Variants in ZFYVE9 observed in about 807,000 individuals in gnomAD.
The protein encoded by ZFYVE9 is zinc finger FYVE domain-containing protein 9.
A neutral mutation model predicts 126.7 loss-of-function variants in ZFYVE9; 43 were observed. The ratio of observed to expected loss-of-function variants is 0.34; its 90% CI spans 0.27 to 0.44. The LOEUF is 0.44. ZFYVE9 is among the 20% of genes least tolerant of loss of function. ZFYVE9 has a pLI of 1.00. For missense variants in ZFYVE9, 1,476 were observed against 1,697.0 expected (o/e 0.87, Z 2.29); for synonymous variants, 521 against 597.4 (o/e 0.87, Z 1.87).
intron 14 of ZFYVE9, among the ~76,000 whole-genome samples, chr1:52,333,967 C>G (rs981394054): frequency 6.6e-6 from 1 of 152,064 alleles, no homozygotes; most frequent in Non-Finnish European, 1.5e-5. Context: ...CTGGCACATG[C>G]CTGTAGTCCC....
intron 1 of ZFYVE9, among the ~76,000 whole-genome samples, chr1:52,143,368 A>G (rs1394112975): frequency 6.6e-6 from 1 of 152,182 alleles, no homozygotes; most frequent in Non-Finnish European, 1.5e-5. Context: ...CGTAAGTCAG[A>G]TATTTATGTT....
At chr1:52,329,822 G>A (rs754656537) in intron 13 of ZFYVE9, among the ~76,000 whole-genome samples, 25 of 151,688 alleles carry the variant, frequency 1.6e-4, no homozygotes, top group Non-Finnish European at 3.1e-4. Flanking sequence ...GGAGAATGGC[G>A]TGAACCTGGG....
intron 4 of ZFYVE9, chr1:52,252,017 CAT>C (rs1645452504): frequency 6.3e-6 from 1 of 157,652 alleles, no homozygotes; most frequent in Non-Finnish European, 1.5e-5. Context: ...AATTGGTACT[CAT>C]ATACATAAAG....
At chr1:52,207,037 A>G (rs1644985068) in intron 1 of ZFYVE9, among the ~76,000 whole-genome samples, 1 of 152,238 alleles carries the variant, frequency 6.6e-6, no homozygotes, top group South Asian at 2.1e-4. Flanking sequence ...TTCCATTCAA[A>G]TGCTTATCTC....
chr1:52,148,834 A>G (rs1042637973), intron 1 of ZFYVE9, among the ~76,000 whole-genome samples: 14 of 145,998 alleles, frequency 9.6e-5, no homozygotes, highest in African/African-American at 3.3e-4. Context: ...TAGCGACGGG[A>G]TTTCACCATG....
intron 10 of ZFYVE9, among the ~76,000 whole-genome samples, chr1:52,285,602 T>C (rs1482878264): frequency 1.3e-5 from 2 of 152,178 alleles, no homozygotes; most frequent in Non-Finnish European, 2.9e-5. Flanking sequence ...CCTGATAATC[T>C]GTCACTGTCT....
intron 1 of ZFYVE9, chr1:52,180,696 C>T: frequency 2.8e-6 from 1 of 353,328 alleles, no homozygotes; most frequent in Non-Finnish European, 5.3e-6. Flanking sequence ...CATTGCTGGG[C>T]CGGGCGCGGT....
rs1378510970 is a variant in ZFYVE9, at chr1:52,232,929, T to A, written c.-36-242T>A. ...TTTCCCAGCATCTGAAATGTGTCTG[T>A]TGAAGCATGAAATGATCACCAAGTC... is the stretch of plus-strand genomic sequence containing the variant. On this transcript the variant is annotated intron_variant, in intron 2 of 18. Coordinates refer to ENST00000287727, the MANE Select transcript of ZFYVE9 (RefSeq NM_004799.4). Among the ~76,000 whole-genome samples the A allele has an allele frequency of 2.0e-5, 3 of 152,132 alleles. No homozygotes were observed. In the South Asian group the frequency reaches 6.2e-4, roughly 32 times the overall value.
At chr1:52,251,733 C>T (rs1220162277) in intron 4 of ZFYVE9, among the ~76,000 whole-genome samples, 2 of 152,154 alleles carry the variant, frequency 1.3e-5, no homozygotes, top group Non-Finnish European at 2.9e-5. Context: ...AGTATTTCCT[C>T]CTCTTCAATT....
intron 13 of ZFYVE9, among the ~76,000 whole-genome samples, chr1:52,321,789 C>T (rs1308286311): frequency 6.6e-6 from 1 of 152,180 alleles, no homozygotes; most frequent in African/African-American, 2.4e-5. Context: ...TAGGGCATCC[C>T]TCATTTATCG....
chr1:52,225,801 A>G (rs1050726915), intron 2 of ZFYVE9, among the ~76,000 whole-genome samples: 33 of 152,278 alleles, frequency 2.2e-4, no homozygotes, highest in African/African-American at 7.9e-4. Context: ...GGTTGAGGAC[A>G]CCCAAGAGGT....
chr1:52,160,543 C>T (rs916211016), intron 1 of ZFYVE9: 12 of 771,060 alleles, frequency 1.6e-5, no homozygotes, highest in Non-Finnish European at 2.4e-5. Flanking sequence ...CCTTGTGACA[C>T]GCCTCAAGTG....
At chr1:52,197,228 T>G (rs1289827399) in intron 1 of ZFYVE9, among the ~76,000 whole-genome samples, 1 of 152,168 alleles carries the variant, frequency 6.6e-6, no homozygotes, top group Non-Finnish European at 1.5e-5. Flanking sequence ...TAATGTTGAT[T>G]GTGAGCATTA....
chr1:52,151,520 C>CTT (rs1237189041), intron 1 of ZFYVE9, among the ~76,000 whole-genome samples: 2 of 142,230 alleles, frequency 1.4e-5, no homozygotes, highest in African/African-American at 2.6e-5. Flanking sequence ...TGTGTTTTTT[C>CTT]TTTTTTTTTT....
At chr1:52,278,720 TTTTTTTTTTTC>T (rs1347288030) in intron 9 of ZFYVE9, 106 bp downstream of exon 9, 1 of 528,446 alleles carries the variant, frequency 1.9e-6, no homozygotes, top group African/African-American at 2.1e-5. Context: ...GAGCCACATC[TTTTTTTTTTTC>T]TTTTTTTTTT....
intron 12 of ZFYVE9, among the ~76,000 whole-genome samples, chr1:52,300,956 C>T (rs1302433260): frequency 6.6e-6 from 1 of 151,280 alleles, no homozygotes; most frequent in African/African-American, 2.4e-5. Context: ...ACCTCCCGGG[C>T]TCAAGCAATG....
intron 17 of ZFYVE9, among the ~76,000 whole-genome samples, chr1:52,342,020 TCAAA>T (rs1212591377): frequency 2.6e-5 from 4 of 152,158 alleles, no homozygotes; most frequent in Non-Finnish European, 5.9e-5. Context: ...GAAGACAGGC[TCAAA>T]CAGGTCATGT....
intron 13 of ZFYVE9, among the ~76,000 whole-genome samples, chr1:52,325,379 G>C (rs1646280981): frequency 6.6e-6 from 1 of 152,076 alleles, no homozygotes; most frequent in South Asian, 2.1e-4. Context: ...AATTAGCCAG[G>C]TGTGGTGGCA....
rs1646468902 is a variant in ZFYVE9, at chr1:52,344,756, T to C, written c.3940-12T>C. On this transcript the variant is annotated splice_polypyrimidine_tract_variant and intron_variant, in intron 17 of 18. Coordinates refer to ENST00000287727, the MANE Select transcript of ZFYVE9 (RefSeq NM_004799.4). ...GGCACAAGTTTAAAAGTCTCTTTTG[T>C]TTGGGGAACAGGTGTTTTTCCTAGA... 1 of 1,612,024 alleles carries C rather than the reference T, an allele frequency of 6.2e-7. No individual in the cohort carries two copies. The highest frequency in any genetic ancestry group is 8.5e-7 in the Non-Finnish European group (1 of 1,178,450).
Sources: gnomAD v4.1 joint callset for allele counts (sites outside exome capture counted in the v4.1 genomes callset) on GRCh38, gnomAD v4.1.1 for gene constraint, MANE v1.5 for transcripts, NCBI Gene and HGNC (gene_info 2026-07-23, HGNC 2026-07-21) for gene names.